The following P2RY6 variants were observed in gnomAD, a reference collection of about 807,000 sequenced individuals.
P2RY6 encodes P2Y purinoceptor 6.
Under a neutral mutation model 16.3 loss-of-function variants are expected in P2RY6, and 19 were observed. That is an observed-to-expected ratio of 1.16 (90% confidence interval 0.81 to 1.71). The LOEUF is 1.71. Ranked by LOEUF, P2RY6 falls within the 40% of genes most tolerant of loss-of-function variation. The pLI is 0.00. For missense variants in P2RY6, 389 were observed against 455.5 expected, an observed-to-expected ratio of 0.85 and a Z score of 1.33; for synonymous variants, 184 against 201.5, an observed-to-expected ratio of 0.91 and a Z score of 0.74.
upstream of P2RY6, among the ~76,000 whole-genome samples, chr11:73,271,278 G>A (rs542196743): frequency 1.4e-4 from 22 of 152,230 alleles, no homozygotes; most frequent in Middle Eastern, 3.4e-3. Flanking sequence ...TTTCCCCCCC[G>A]GCATCACCCT....
At chr11:73,269,051 T>C (rs536778617), upstream of P2RY6, among the ~76,000 whole-genome samples, 2 of 152,204 alleles carry the variant, frequency 1.3e-5, no homozygotes, top group South Asian at 4.1e-4. Context: ...AGGAAGACAC[T>C]AGGACTGAGC....
upstream of P2RY6, chr11:73,271,512 G>A (rs1863307455): frequency 6.6e-6 from 1 of 152,274 alleles, no homozygotes; most frequent in African/African-American, 2.4e-5. Flanking sequence ...ACATGATAGG[G>A]ACTGCGAGCA....
chr11:73,291,641 C>A (rs1864250642), intron 1 of P2RY6, among the ~76,000 whole-genome samples: 1 of 152,192 alleles, frequency 6.6e-6, no homozygotes, highest in African/African-American at 2.4e-5. Flanking sequence ...TTCCTCAATC[C>A]CCTTGCCTGT....
At chr11:73,288,901 G>A (rs1377800467) in intron 1 of P2RY6, among the ~76,000 whole-genome samples, 1 of 152,256 alleles carries the variant, frequency 6.6e-6, no homozygotes, top group Non-Finnish European at 1.5e-5. Context: ...TCACCGGCCA[G>A]GGGCCAAGCA....
Position 73,296,717 on chromosome 11 carries a change from A to C in P2RY6, c.199A>C (p.Asn67His), listed in dbSNP as rs751374480. The change falls in exon 3 of 3, where the codon AAC (asparagine) becomes CAC (histidine). Residue 67 changes from asparagine (N) to histidine (H), a missense_variant. By Grantham distance (68) the Asn-to-His change is moderately conservative (BLOSUM62 1). Coordinates refer to ENST00000540124, the MANE Select transcript of P2RY6 (RefSeq NM_001277204.2). ...GACCCGCACGGCCGTGTACACCCTA[A>C]ACCTTGCTCTGGCTGACCTGCTATA... is the stretch of plus-strand genomic sequence containing the variant. The part of the protein sequence containing the change: ...ALTRTAVYTL[N>H]LALADLLYAC... The C allele has an allele frequency of 6.2e-6, 10 of 1,613,638 alleles. No individual in the cohort carries two copies. Among genetic ancestry groups the C allele is most frequent in the Non-Finnish European group, 8.5e-6 (10 of 1,179,960 alleles).
At chr11:73,282,242 T>A (rs916165314) in intron 1 of P2RY6, among the ~76,000 whole-genome samples, 3 of 152,228 alleles carry the variant, frequency 2.0e-5, no homozygotes, top group African/African-American at 7.2e-5. Context: ...CTCTATTTTC[T>A]CTGAATCTAA....
At position 73,297,169 on chromosome 11, in the gene P2RY6, C is replaced by T; in HGVS notation, c.651C>T (p.Cys217=). 6.2e-7 allele frequency: 1 copy of T among 1,604,138 alleles called. No homozygotes were observed. ...TGGCCTGCTACTGTCTCCTGGCCTG[C>T]CGCCTGTGCCGCCAGGATGGCCCGG... The part of the protein sequence containing the change: ...ALLACYCLLA[C]RLCRQDGPAE... The change falls in exon 3 of 3, where the codon TGC becomes TGT. Residue 217 remains cysteine, a synonymous_variant. Coordinates refer to ENST00000540124, the MANE Select transcript of P2RY6 (RefSeq NM_001277204.2).
Position 73,297,687 on chromosome 11 carries a change from C to CAGGG in P2RY6, c.*182_*183insAGGG. 1.6e-6 allele frequency: 1 copy of CAGGG among 620,704 alleles called. No homozygotes were observed. Among genetic ancestry groups the CAGGG allele is most frequent in the Non-Finnish European group, 2.9e-6 (1 of 344,700 alleles). The allele number at this position is 620,704 out of a possible 1,614,324, so 38.4% of individuals were successfully genotyped here. A position where few individuals can be genotyped will look rare whatever the true frequency, so the allele number is the denominator to read the frequency against. On this transcript the variant is annotated 3_prime_UTR_variant, in exon 3 of 3. Transcript: ENST00000540124. The stretch of plus-strand genomic sequence containing the variant: ...TTCAGCCCCTTCTCTGGCCCAGACC[C>CAGGG]TGTGGGCATGGAGATGGACAGACCT...
rs1356178739 is a variant in P2RY6 at position 73,272,436 on chromosome 11, G to A, written c.-151G>A. 2 of 985,448 alleles carry A rather than the reference G, an allele frequency of 2.0e-6. No homozygotes were observed. Among genetic ancestry groups the A allele is most frequent in the African/African-American group, 3.5e-5 (2 of 57,264 alleles). The allele number at this position is 985,448 out of a possible 1,614,324, so 61.0% of individuals were successfully genotyped here. A position where few individuals can be genotyped will look rare whatever the true frequency, so the allele number is the denominator to read the frequency against. ...TGGGAATTTGCTCCAGCACTTCACG[G>A]ACTGCAAGCGAGGCACTTGCTAACT... On this transcript the variant is annotated 5_prime_UTR_variant, in exon 1 of 3. Coordinates refer to ENST00000540124, the MANE Select transcript of P2RY6 (RefSeq NM_001277204.2).
At chr11:73,276,444 C>G (rs1863540234) in intron 1 of P2RY6, among the ~76,000 whole-genome samples, 1 of 151,954 alleles carries the variant, frequency 6.6e-6, no homozygotes, top group Non-Finnish European at 1.5e-5. Context: ...TCATAATAGC[C>G]AAAAAGTGGG....
Position 73,298,276 on chromosome 11 carries a change from T to G in P2RY6, c.*771T>G, listed in dbSNP as rs988578786. 1 of 167,150 alleles carries G rather than the reference T, an allele frequency of 6.0e-6. No homozygotes were observed. Among genetic ancestry groups the G allele is most frequent in the Non-Finnish European group, 1.5e-5 (1 of 68,158 alleles). The allele number at this position is 167,150 out of a possible 1,614,324, so 10.4% of individuals were successfully genotyped here. A position where few individuals can be genotyped will look rare whatever the true frequency, so the allele number is the denominator to read the frequency against. On this transcript the variant is annotated 3_prime_UTR_variant, in exon 3 of 3. Transcript: ENST00000540124. ...CAGGTATGCTCCATGCATATCCAGCTGGGCCAGCCTCGTGCTGGGCTCTGC... is the reference window on the plus strand; with the variant it reads ...CAGGTATGCTCCATGCATATCCAGCGGGGCCAGCCTCGTGCTGGGCTCTGC...
At position 73,296,570 on chromosome 11, in the gene P2RY6, T is replaced by G; in HGVS notation, c.52T>G (p.Cys18Gly). 1.2e-6 allele frequency: 2 copies of G among 1,614,224 alleles called. No homozygotes were observed. The highest frequency in any genetic ancestry group is 1.7e-6 in the Non-Finnish European group (2 of 1,180,034). The change falls in exon 3 of 3, where the codon TGT becomes GGT. Residue 18 changes from cysteine (C) to glycine (G), a missense_variant. Transcript: ENST00000540124. ...GGCTCTGGGCTTGCCACCCACCACC[T>G]GTGTCTACCGCGAGAACTTCAAGCA... is the stretch of plus-strand genomic sequence containing the variant. Reference protein sequence around the residue: ...GQALGLPPTTCVYRENFKQLL... With the variant: ...GQALGLPPTTGVYRENFKQLL...
At chr11:73,290,844 C>T (rs764749936) in intron 1 of P2RY6, among the ~76,000 whole-genome samples, 3 of 152,244 alleles carry the variant, frequency 2.0e-5, no homozygotes, top group East Asian at 1.9e-4. Flanking sequence ...AGCTAAGGCC[C>T]GGTGAGAGCA....
intron 1 of P2RY6, among the ~76,000 whole-genome samples, chr11:73,286,456 T>C (rs1863977763): frequency 6.6e-6 from 1 of 152,008 alleles, no homozygotes; most frequent in South Asian, 2.1e-4. Flanking sequence ...GGGTTAGTGG[T>C]CTGCCTTTCC....
intron 1 of P2RY6, among the ~76,000 whole-genome samples, chr11:73,276,518 G>T (rs1177050503): frequency 2.0e-5 from 3 of 152,168 alleles, no homozygotes; most frequent in Non-Finnish European, 1.5e-5. Flanking sequence ...CCATATAATG[G>T]AATATTATTC....
At chr11:73,296,026 C>A (rs1864458593) in intron 2 of P2RY6, among the ~76,000 whole-genome samples, 1 of 151,998 alleles carries the variant, frequency 6.6e-6, no homozygotes, top group African/African-American at 2.4e-5. Context: ...GTGCTTCTAA[C>A]CTCGTGACAT....
At chr11:73,264,809 G>C (rs1376727703) in intron 1 of P2RY6, among the ~76,000 whole-genome samples, 1 of 151,990 alleles carries the variant, frequency 6.6e-6, no homozygotes, top group Non-Finnish European at 1.5e-5. Context: ...ATTACTGTGA[G>C]CGCGATCTGC....
chr11:73,271,061 G>A (rs895394725), upstream of P2RY6, among the ~76,000 whole-genome samples: 1 of 152,164 alleles, frequency 6.6e-6, no homozygotes, highest in South Asian at 2.1e-4. Flanking sequence ...TTGACCTCAA[G>A]TGCGTTGAAC....
rs540893671 is a variant in P2RY6 at position 73,272,916 on chromosome 11, C to T, written c.-121+450C>T. 1.4e-4 allele frequency among the ~76,000 whole-genome samples: 22 copies of T among 152,144 alleles called. No homozygotes were observed. The South Asian group carries it at 2.9e-3, about 20-fold the overall frequency. ...TGTAGTATCTGGAGAGGGGTCCTCACGGAGGAGGCTGGGCCCTGCCCTCAG... is the reference window on the plus strand; with the variant it reads ...TGTAGTATCTGGAGAGGGGTCCTCATGGAGGAGGCTGGGCCCTGCCCTCAG... On this transcript the variant is annotated intron_variant, in intron 1 of 2. Coordinates refer to ENST00000540124, the MANE Select transcript of P2RY6 (RefSeq NM_001277204.2).
Sources: allele counts gnomAD v4.1 joint callset (sites outside exome capture counted in the v4.1 genomes callset), GRCh38; gene constraint gnomAD v4.1.1; transcripts MANE v1.5; gene names NCBI Gene and HGNC (gene_info 2026-07-23, HGNC 2026-07-21).